Variants in PTPRK observed in about 807,000 individuals in gnomAD.
The protein encoded by PTPRK is protein tyrosine phosphatase receptor type K, also known as receptor-type tyrosine-protein phosphatase kappa.
In PTPRK, 75 loss-of-function variants were observed where a neutral mutation model predicts 178.0. That is an observed-to-expected ratio of 0.42 (90% CI 0.35 to 0.51). PTPRK has a LOEUF of 0.51. Ranked by LOEUF, PTPRK falls within the 20% of genes least tolerant of loss-of-function variation. The pLI is 0.02. For synonymous variants in PTPRK, 637 were observed against 620.6 expected (o/e 1.03, Z -0.39); for missense variants, 1,441 against 1,797.8 (o/e 0.80, Z 3.59).
chr6:128,258,340 T>C (rs1489768231), intron 3 of PTPRK, among the ~76,000 whole-genome samples: 1 of 152,160 alleles, frequency 6.6e-6, no homozygotes, highest in Non-Finnish European at 1.5e-5. Flanking sequence ...ATATGTTACA[T>C]AAAACTGATA....
intron 1 of PTPRK, among the ~76,000 whole-genome samples, chr6:128,398,632 G>A (rs1192608660): frequency 6.6e-6 from 1 of 152,138 alleles, no homozygotes; most frequent in Non-Finnish European, 1.5e-5. Context: ...TCTCATAATA[G>A]CCAATGAAAC....
At chr6:128,290,434 T>C (rs1823196725) in intron 3 of PTPRK, among the ~76,000 whole-genome samples, 1 of 152,196 alleles carries the variant, frequency 6.6e-6, no homozygotes, top group East Asian at 1.9e-4. Flanking sequence ...TATCCACTGA[T>C]GACATACACT....
At chr6:128,340,844 T>G (rs72972098) in intron 2 of PTPRK, 16,872 of 438,978 alleles carry the variant, frequency 0.038, 509 homozygotes, top group Non-Finnish European at 0.051. Flanking sequence ...AATGTCATCA[T>G]AATTTTTGTT....
intron 6 of PTPRK, among the ~76,000 whole-genome samples, chr6:128,217,673 T>A (rs1481684212): frequency 6.6e-6 from 1 of 152,180 alleles, no homozygotes; most frequent in African/African-American, 2.4e-5. Context: ...TCTCATATTC[T>A]CCTTCCAGCC....
chr6:128,185,848 C>T (rs1411537783), intron 6 of PTPRK, among the ~76,000 whole-genome samples: 7 of 152,132 alleles, frequency 4.6e-5, no homozygotes, highest in African/African-American at 1.7e-4. Flanking sequence ...AATGGCAATG[C>T]ATTGCATGAA....
chr6:128,380,869 C>G (rs1284634348), intron 2 of PTPRK, among the ~76,000 whole-genome samples: 1 of 152,160 alleles, frequency 6.6e-6, no homozygotes, highest in Non-Finnish European at 1.5e-5. Context: ...TAAAAAATTA[C>G]TCAAATATGT....
intron 3 of PTPRK, among the ~76,000 whole-genome samples, chr6:128,288,150 A>G (rs528874030): frequency 6.6e-6 from 1 of 152,294 alleles, no homozygotes; most frequent in African/African-American, 2.4e-5. Context: ...TGACTACACT[A>G]GCTTTCACAA....
chr6:128,101,488 G>A (rs576325840), intron 7 of PTPRK, among the ~76,000 whole-genome samples: 2 of 152,028 alleles, frequency 1.3e-5, no homozygotes, highest in African/African-American at 2.4e-5. Flanking sequence ...TAATATAATA[G>A]CTAGCAATTC....
At chr6:128,012,783 A>G (rs1354920788) in intron 13 of PTPRK, among the ~76,000 whole-genome samples, 1 of 151,454 alleles carries the variant, frequency 6.6e-6, no homozygotes, top group Non-Finnish European at 1.5e-5. Flanking sequence ...TGATTAGGCA[A>G]ACTAATTCTT....
At chr6:128,378,427 A>C (rs1837412938) in intron 2 of PTPRK, among the ~76,000 whole-genome samples, 1 of 152,138 alleles carries the variant, frequency 6.6e-6, no homozygotes, top group African/African-American at 2.4e-5. Flanking sequence ...ATAGACTTAG[A>C]GGTAACAAAA....
chr6:128,448,796 T>C (rs1847364456), intron 1 of PTPRK, among the ~76,000 whole-genome samples: 1 of 152,208 alleles, frequency 6.6e-6, no homozygotes. Context: ...GTGGCAAAGA[T>C]GACATCAGCT....
At chr6:128,084,863 A>G (rs1367767633) in intron 8 of PTPRK, 1 of 152,228 alleles carries the variant, frequency 6.6e-6, no homozygotes, top group East Asian at 1.9e-4. Flanking sequence ...TTGGGCAAGC[A>G]TAGTTTTTAA....
chr6:128,000,406 T>C (rs1777689569), intron 15 of PTPRK: 1 of 979,596 alleles, frequency 1.0e-6, no homozygotes, highest in African/African-American at 1.7e-5. Context: ...TGCATTTATC[T>C]TTACTCCCTC....
chr6:127,988,449 T>A (rs927642203), intron 21 of PTPRK, among the ~76,000 whole-genome samples: 4 of 151,932 alleles, frequency 2.6e-5, no homozygotes, highest in Non-Finnish European at 5.9e-5. Flanking sequence ...TGCTAACTTT[T>A]AAAACATAGA....
At chr6:128,404,535 C>T (rs1445652079) in intron 1 of PTPRK, among the ~76,000 whole-genome samples, 2 of 152,082 alleles carry the variant, frequency 1.3e-5, no homozygotes, top group African/African-American at 2.4e-5. Flanking sequence ...TACAGGTAAC[C>T]GCATATCCAT....
chr6:128,236,800 A>T (rs906287977), intron 5 of PTPRK, among the ~76,000 whole-genome samples: 12 of 152,226 alleles, frequency 7.9e-5, no homozygotes, highest in Admixed American at 5.9e-4. Flanking sequence ...TTCATTTAGC[A>T]TGTACAAGAA....
At chr6:128,099,048 T>C (rs1355232098) in intron 7 of PTPRK, among the ~76,000 whole-genome samples, 2 of 151,828 alleles carry the variant, frequency 1.3e-5, no homozygotes, top group African/African-American at 2.4e-5. Context: ...AACTTACCCC[T>C]CCAGCACTGC....
At chr6:128,440,520 A>G (rs148371665) in intron 1 of PTPRK, among the ~76,000 whole-genome samples, 171 of 152,334 alleles carry the variant, frequency 1.1e-3, no homozygotes, top group African/African-American at 4.0e-3. Context: ...TAAATGCAAT[A>G]TAGTGAAATT....
intron 7 of PTPRK, among the ~76,000 whole-genome samples, chr6:128,124,916 C>T (rs1367606853): frequency 6.6e-6 from 1 of 152,192 alleles, no homozygotes; most frequent in Non-Finnish European, 1.5e-5. Flanking sequence ...TGAACTGAAA[C>T]TGCACCATCA....
Sources: allele counts gnomAD v4.1 joint callset (sites outside exome capture counted in the v4.1 genomes callset), GRCh38; gene constraint gnomAD v4.1.1; transcripts MANE v1.5; gene names NCBI Gene and HGNC (gene_info 2026-07-23, HGNC 2026-07-21).